MLLT3: variants seen among roughly 807,000 people sequenced by gnomAD.
The protein encoded by MLLT3 is protein AF-9.
In MLLT3, 4 loss-of-function variants were observed where a neutral mutation model predicts 53.2. That is an observed-to-expected ratio of 0.08 (90% CI 0.04 to 0.17). The LOEUF (loss-of-function observed/expected upper bound fraction) is 0.17, where lower values mean the gene tolerates loss of function less well. Among genes scored for constraint, MLLT3 ranks in the 10% least tolerant of loss-of-function variants. The pLI is 1.00. For synonymous variants in MLLT3, 283 were observed against 230.6 expected, an observed-to-expected ratio of 1.23 and a Z score of -2.06; for missense variants, 569 against 684.0, an observed-to-expected ratio of 0.83 and a Z score of 1.87.
intron 5 of MLLT3, among the ~76,000 whole-genome samples, chr9:20,388,491 G>C (rs534358646): frequency 3.3e-5 from 5 of 152,276 alleles, no homozygotes; most frequent in African/African-American, 1.2e-4. Flanking sequence ...GGGAGGCTGA[G>C]GCAGGAGAAT....
chr9:20,402,777 T>C (rs1157656547), intron 5 of MLLT3, among the ~76,000 whole-genome samples: 1 of 152,134 alleles, frequency 6.6e-6, no homozygotes, highest in African/African-American at 2.4e-5. Context: ...TTAACTTACA[T>C]GACATCCTTT....
intron 2 of MLLT3, among the ~76,000 whole-genome samples, chr9:20,597,567 C>T (rs1235737781): frequency 6.6e-6 from 1 of 152,152 alleles, no homozygotes; most frequent in Non-Finnish European, 1.5e-5. Context: ...GTTCATCCCT[C>T]CTTCTTCTTA....
At chr9:20,427,939 A>G (rs1452358235) in intron 4 of MLLT3, among the ~76,000 whole-genome samples, 2 of 152,112 alleles carry the variant, frequency 1.3e-5, no homozygotes, top group Non-Finnish European at 2.9e-5. Flanking sequence ...TTTACTACAT[A>G]TTATTATTTG....
chr9:20,472,078 T>G (rs182845758), intron 2 of MLLT3, among the ~76,000 whole-genome samples: 23 of 152,206 alleles, frequency 1.5e-4, no homozygotes, highest in Admixed American at 1.5e-3. Context: ...GCTCTTATTA[T>G]CTCTCCATGG....
intron 5 of MLLT3, among the ~76,000 whole-genome samples, chr9:20,392,042 G>C (rs556407529): frequency 6.6e-6 from 1 of 152,128 alleles, no homozygotes; most frequent in African/African-American, 2.4e-5. Flanking sequence ...ACAAGAATCA[G>C]CTCACCTTGT....
chr9:20,584,609 A>G (rs1169718603), intron 2 of MLLT3, among the ~76,000 whole-genome samples: 1 of 152,218 alleles, frequency 6.6e-6, no homozygotes, highest in Non-Finnish European at 1.5e-5. Flanking sequence ...GAGATAAATG[A>G]GGAAGAAGCA....
chr9:20,358,558 G>A (rs1821231428), intron 8 of MLLT3, among the ~76,000 whole-genome samples: 1 of 152,192 alleles, frequency 6.6e-6, no homozygotes, highest in Non-Finnish European at 1.5e-5. Flanking sequence ...AAAACAGTCT[G>A]ACAAAGAGTC....
chr9:20,573,742 G>A (rs2131166702), intron 2 of MLLT3, among the ~76,000 whole-genome samples: 1 of 152,198 alleles, frequency 6.6e-6, no homozygotes, highest in East Asian at 1.9e-4. Context: ...TTGAAAAACT[G>A]GAACATAATA....
intron 4 of MLLT3, among the ~76,000 whole-genome samples, chr9:20,444,714 A>G (rs1823647644): frequency 6.6e-6 from 1 of 152,018 alleles, no homozygotes; most frequent in Admixed American, 6.6e-5. Flanking sequence ...TCTACAAAAA[A>G]TACAAAAATT....
At chr9:20,616,306 T>TCCATCTTTAAGCAACAATATCTAC (rs1230512164) in intron 2 of MLLT3, among the ~76,000 whole-genome samples, 1 of 152,150 alleles carries the variant, frequency 6.6e-6, no homozygotes, top group Non-Finnish European at 1.5e-5. Flanking sequence ...CTAAATTCTC[T>TCCATCTTTAAGCAACAATATCTAC]CCATCTTTAA....
intron 2 of MLLT3, among the ~76,000 whole-genome samples, chr9:20,506,430 T>C (rs941730958): frequency 3.9e-5 from 6 of 152,158 alleles, no homozygotes; most frequent in Non-Finnish European, 5.9e-5. Context: ...CTCTCCATCC[T>C]GAATACAATT....
intron 2 of MLLT3, among the ~76,000 whole-genome samples, chr9:20,545,071 G>A (rs1368568230): frequency 7.8e-6 from 1 of 128,152 alleles, no homozygotes; most frequent in Non-Finnish European, 1.6e-5. Context: ...ATCCAGCCTG[G>A]GTGACACAGC....
intron 5 of MLLT3, among the ~76,000 whole-genome samples, chr9:20,366,398 T>G (rs991697264): frequency 1.7e-4 from 26 of 152,224 alleles, no homozygotes; most frequent in African/African-American, 6.0e-4. Flanking sequence ...GGCTGCATAG[T>G]ATTTCATGGT....
At chr9:20,492,311 A>G (rs1218332894) in intron 2 of MLLT3, among the ~76,000 whole-genome samples, 1 of 152,026 alleles carries the variant, frequency 6.6e-6, no homozygotes, top group African/African-American at 2.4e-5. Flanking sequence ...TTTAACCTGT[A>G]AACTCTGCAA....
chr9:20,565,957 T>TAAA (rs1563820510), intron 2 of MLLT3, among the ~76,000 whole-genome samples: 1 of 16,270 alleles, frequency 6.1e-5, no homozygotes, highest in Non-Finnish European at 1.0e-4. Flanking sequence ...TATATATTTA[T>TAAA]ATATATATAT....
intron 4 of MLLT3, among the ~76,000 whole-genome samples, chr9:20,425,158 C>T (rs1489950813): frequency 6.6e-6 from 1 of 152,096 alleles, no homozygotes; most frequent in East Asian, 1.9e-4. Context: ...TATAGTTCTA[C>T]ATTAAACATC....
chr9:20,348,047 AC>A (rs1820921627), intron 10 of MLLT3, among the ~76,000 whole-genome samples: 1 of 152,174 alleles, frequency 6.6e-6, no homozygotes, highest in South Asian at 2.1e-4. Context: ...CAGAAGCATG[AC>A]ATATTAACTC....
At chr9:20,507,243 G>C (rs1825404946) in intron 2 of MLLT3, among the ~76,000 whole-genome samples, 1 of 152,180 alleles carries the variant, frequency 6.6e-6, no homozygotes, top group South Asian at 2.1e-4. Flanking sequence ...AAGTTTTGAA[G>C]CTTACAAACA....
intron 2 of MLLT3, among the ~76,000 whole-genome samples, chr9:20,535,180 T>C (rs1412872097): frequency 7.2e-5 from 11 of 152,210 alleles, no homozygotes; most frequent in Admixed American, 7.2e-4. Context: ...CATTAGATTG[T>C]TTCTCATAGG....
Sources: gnomAD v4.1 joint callset for allele counts (sites outside exome capture counted in the v4.1 genomes callset) on GRCh38, gnomAD v4.1.1 for gene constraint, MANE v1.5 for transcripts, NCBI Gene and HGNC (gene_info 2026-07-23, HGNC 2026-07-21) for gene names.